Variants in SLC9A7 observed in about 807,000 individuals in gnomAD.
SLC9A7 encodes solute carrier family 9 member A7.
A neutral mutation model predicts 52.6 loss-of-function variants in SLC9A7; 19 were observed. The observed-to-expected ratio is 0.36, with a 90% CI of 0.25 to 0.53. The LOEUF (loss-of-function observed/expected upper bound fraction) is 0.53. Ranked by LOEUF, SLC9A7 falls within the 20% of genes least tolerant of loss-of-function variation. The probability of loss-of-function intolerance (pLI) is 0.91; values close to 1 mark genes in which losing one functional copy is unlikely to be tolerated. For missense variants in SLC9A7, 455 were observed against 597.9 expected, an observed-to-expected ratio of 0.76 and a Z score of 2.49; for synonymous variants, 226 against 252.1, an observed-to-expected ratio of 0.90 and a Z score of 0.98.
chrX:46,748,566 TACAC>T (rs753550243), intron 1 of SLC9A7, among the ~76,000 whole-genome samples: 23,634 of 92,279 alleles, frequency 0.26, 3,046 homozygotes, highest in East Asian at 0.53. Flanking sequence ...TGTGTGCGTG[TACAC>T]ACACACACAC....
chrX:46,675,971 C>T (rs771601502), intron 3 of SLC9A7, among the ~76,000 whole-genome samples: 1 of 112,392 alleles, frequency 8.9e-6, no homozygotes, highest in South Asian at 3.7e-4. Context: ...GGTTCCTGGA[C>T]GGTGGTGTCC....
intron 1 of SLC9A7, among the ~76,000 whole-genome samples, chrX:46,697,380 C>T (rs1014895901): frequency 1.3e-4 from 15 of 111,856 alleles, no homozygotes; most frequent in Admixed American, 1.2e-3. Flanking sequence ...AGTTATGTTG[C>T]GGGAAGTCAG....
chrX:46,687,143 C>G (rs1240655527), intron 1 of SLC9A7, among the ~76,000 whole-genome samples: 4 of 112,198 alleles, frequency 3.6e-5, no homozygotes, highest in South Asian at 3.7e-4. Context: ...GGGAGGAGAG[C>G]TGAACAAGTG....
At chrX:46,717,396 T>A in intron 1 of SLC9A7, among the ~76,000 whole-genome samples, 1 of 112,134 alleles carries the variant, frequency 8.9e-6, no homozygotes, top group Non-Finnish European at 1.9e-5. Context: ...AAATCTTTTT[T>A]TTGAGACACA....
chrX:46,668,889 T>C (rs1255520840), intron 5 of SLC9A7, among the ~76,000 whole-genome samples: 5 of 111,360 alleles, frequency 4.5e-5, no homozygotes, highest in Non-Finnish European at 7.6e-5. Context: ...TAAGATAGGC[T>C]GGGCACGGTG....
intron 7 of SLC9A7, among the ~76,000 whole-genome samples, chrX:46,655,048 G>C (rs771103213): frequency 7.1e-5 from 7 of 98,874 alleles, no homozygotes; most frequent in African/African-American, 2.3e-4. Flanking sequence ...GCAATGGCAC[G>C]GCCTCGGCTC....
intron 7 of SLC9A7, among the ~76,000 whole-genome samples, chrX:46,660,678 C>G (rs1322228687): frequency 2.7e-5 from 3 of 110,309 alleles, no homozygotes; most frequent in East Asian, 2.9e-4. Context: ...GAGATACCAT[C>G]TCACACCAGT....
At chrX:46,700,582 C>A (rs1944516096) in intron 1 of SLC9A7, among the ~76,000 whole-genome samples, 1 of 112,464 alleles carries the variant, frequency 8.9e-6, no homozygotes, top group African/African-American at 3.2e-5. Context: ...CTTAACCATT[C>A]TTTAAGTCAC....
chrX:46,708,791 T>G (rs1180603818), intron 1 of SLC9A7, among the ~76,000 whole-genome samples: 1 of 110,806 alleles, frequency 9.0e-6, no homozygotes, highest in Non-Finnish European at 1.9e-5. Flanking sequence ...CAAAGAGAAA[T>G]CTAGGATTGG....
intron 16 of SLC9A7, among the ~76,000 whole-genome samples, chrX:46,611,736 T>C (rs1238492325): frequency 1.8e-5 from 2 of 112,270 alleles, no homozygotes; most frequent in Non-Finnish European, 3.8e-5. Context: ...CAGAGCTCTC[T>C]GCAGCAGCGG....
intron 1 of SLC9A7, among the ~76,000 whole-genome samples, chrX:46,738,415 C>A (rs1325970999): frequency 8.9e-6 from 1 of 112,097 alleles, no homozygotes; most frequent in East Asian, 2.8e-4. Context: ...AAACCCAACT[C>A]TATTTAGGAA....
rs1942659341 is a variant in SLC9A7, at chrX:46,601,457, C to T, written c.*5495G>A. On this transcript the variant is annotated 3_prime_UTR_variant, in exon 17 of 17. Coordinates refer to ENST00000616978, the MANE Select transcript of SLC9A7 (RefSeq NM_001257291.2). ...TGGAAGGAACTGTTAGTTCTTTGTC[C>T]TAGACCGAATCGTTCATGGATAGCT... 1 of 112,605 alleles carries T rather than the reference C, an allele frequency of 8.9e-6. No homozygotes were observed. Among genetic ancestry groups the T allele is most frequent in the South Asian group, 3.6e-4 (1 of 2,742 alleles). 9.3% of individuals were successfully genotyped at this position (112,605 alleles called of 1,213,427 possible). A position where few individuals can be genotyped will look rare whatever the true frequency, so the allele number is the denominator to read the frequency against.
Position 46,651,191 on chromosome X carries a change from G to A in SLC9A7, c.1269C>T (p.Asn423=), listed in dbSNP as rs1162278969. 6.6e-6 allele frequency: 8 copies of A among 1,208,548 alleles called. No homozygotes were observed. In the Admixed American group the frequency reaches 1.3e-4, roughly 20 times the overall value. The change falls in exon 10 of 17, where the codon AAC becomes AAT. Residue 423 remains asparagine (N), a synonymous_variant. Coordinates refer to ENST00000616978, the MANE Select transcript of SLC9A7 (RefSeq NM_001257291.2). ...CCAGGCCCATGTAGGAGAAGATGAA[G>A]TTCTCTGCCAGGAAATGTAACACCT... is the stretch of plus-strand genomic sequence containing the variant. The part of the protein sequence containing the change: ...LFEVLHFLAE[N]FIFSYMGLAL...
chrX:46,747,315 A>G, intron 1 of SLC9A7, among the ~76,000 whole-genome samples: 1 of 112,013 alleles, frequency 8.9e-6, no homozygotes, highest in East Asian at 2.8e-4. Flanking sequence ...CATATAGAAA[A>G]GACAAATATT....
intron 3 of SLC9A7, among the ~76,000 whole-genome samples, chrX:46,675,983 G>A (rs376129213): frequency 8.9e-6 from 1 of 112,249 alleles, no homozygotes; most frequent in African/African-American, 3.2e-5. Flanking sequence ...GTGGTGTCCC[G>A]GGAGGGCATG....
chrX:46,752,942 G>A (rs1418529596), intron 1 of SLC9A7, among the ~76,000 whole-genome samples: 1 of 112,041 alleles, frequency 8.9e-6, no homozygotes, highest in Non-Finnish European at 1.9e-5. Flanking sequence ...TAATTACAGC[G>A]TTCCACAAAG....
chrX:46,650,128 TCA>T lies in SLC9A7; in HGVS notation c.1350+980_1350+981del, dbSNP rs200030033. On this transcript the variant is annotated intron_variant, in intron 10 of 16. Transcript: ENST00000616978. ...TCACTGTCCAGCAGCTTGGTGAGTG[TCA>T]GTCATTCCTGCACAATAAATTAAGC... Among the ~76,000 whole-genome samples the T allele has an allele frequency of 4.3e-3, 478 of 112,026 alleles. 5 individuals carry two copies. Among genetic ancestry groups the T allele is most frequent in the Middle Eastern group, 0.014 (3 of 218 alleles).
At chrX:46,751,730 A>G (rs782028311) in intron 1 of SLC9A7, among the ~76,000 whole-genome samples, 80 of 110,980 alleles carry the variant, frequency 7.2e-4, no homozygotes, top group Non-Finnish European at 1.4e-3. Context: ...GGATCACTTG[A>G]GCCCAGGAAG....
At chrX:46,758,018 G>A (rs1185202945) in intron 1 of SLC9A7, among the ~76,000 whole-genome samples, 2 of 111,603 alleles carry the variant, frequency 1.8e-5, no homozygotes, top group Non-Finnish European at 1.9e-5. Flanking sequence ...GCTCCTCTTC[G>A]TTTGAGAAAG....
Sources: allele counts gnomAD v4.1 joint callset (sites outside exome capture counted in the v4.1 genomes callset), GRCh38; gene constraint gnomAD v4.1.1; transcripts MANE v1.5; gene names NCBI Gene and HGNC (gene_info 2026-07-23, HGNC 2026-07-21).